The following MACF1 variants were observed in gnomAD, a reference collection of about 807,000 sequenced individuals.
The protein encoded by MACF1 is microtubule-actin cross-linking factor 1.
A neutral mutation model predicts 854.8 loss-of-function variants in MACF1; 193 were observed. The observed-to-expected ratio is 0.23, with a 90% CI of 0.20 to 0.25. The LOEUF is 0.25. Ranked by LOEUF, MACF1 falls within the 10% of genes least tolerant of loss-of-function variation. MACF1 has a pLI of 1.00. For synonymous variants in MACF1, 3,185 were observed against 3,226.7 expected (o/e 0.99, Z 0.44); for missense variants, 7,722 against 8,929.1 (o/e 0.86, Z 5.45).
Position 39,310,848 on chromosome 1 carries a change from G to A in MACF1, c.3118G>A (p.Val1040Met). 1 of 1,612,522 alleles carries A rather than the reference G, an allele frequency of 6.2e-7. No homozygotes were observed. The highest frequency in any genetic ancestry group is 8.5e-7 in the Non-Finnish European group (1 of 1,179,264). ...ATTCACAGAGGACAAAGAGGAGACT[G>A]TGGCCAAGATGTACATTTCAGAGTT... ...SMENEDKEET[V>M]AKMYISELKN... Residue 1040 changes from valine to methionine, a missense_variant, in exon 26 of 101, where the codon GTG becomes ATG. Coordinates refer to ENST00000564288, the MANE Select transcript of MACF1 (RefSeq NM_001394062.1).
intron 85 of MACF1, 134 bp downstream of exon 85, chr1:39,451,345 TAAAC>T (rs1644338135): frequency 1.1e-6 from 1 of 920,716 alleles, no homozygotes; most frequent in Non-Finnish European, 1.5e-6. Flanking sequence ...TTTGTGTGTT[TAAAC>T]AAACTGTTGC....
intron 2 of MACF1, among the ~76,000 whole-genome samples, chr1:39,238,050 G>A (rs1286048093): frequency 2.6e-5 from 4 of 152,026 alleles, no homozygotes; most frequent in Non-Finnish European, 4.4e-5. Flanking sequence ...CTCAACTCCC[G>A]TTCTCCCTAA....
At chr1:39,413,099 T>C (rs2148617937) in intron 58 of MACF1, 3 of 1,605,698 alleles carry the variant, frequency 1.9e-6, no homozygotes, top group African/African-American at 1.3e-5. Flanking sequence ...CAGGAGGGTA[T>C]GTCAGCTGTC....
intron 2 of MACF1, among the ~76,000 whole-genome samples, chr1:39,136,264 A>G (rs890347356): frequency 6.6e-6 from 1 of 152,190 alleles, no homozygotes; most frequent in African/African-American, 2.4e-5. Context: ...AGTCTCTTAC[A>G]ATGTCTACCA....
intron 4 of MACF1, 143 bp from the exon 5 acceptor site, chr1:39,254,155 G>A (rs1645073012): frequency 3.0e-6 from 2 of 669,954 alleles, no homozygotes; most frequent in Admixed American, 2.4e-5. Flanking sequence ...GTCTTAGGGG[G>A]TGCTTTGTGT....
At chr1:39,236,271 T>C (rs967854993) in intron 2 of MACF1, among the ~76,000 whole-genome samples, 20 of 152,218 alleles carry the variant, frequency 1.3e-4, no homozygotes, top group African/African-American at 4.8e-4. Context: ...CTCTGGTTGC[T>C]GCCTACCTTT....
intron 77 of MACF1, 33 bp downstream of exon 77, chr1:39,442,600 ATTGAT>A (rs1211986942): frequency 6.2e-7 from 1 of 1,612,726 alleles, no homozygotes; most frequent in Non-Finnish European, 8.5e-7. Flanking sequence ...CTCTAACCCT[ATTGAT>A]TTGAGACCAG....
intron 55 of MACF1, 49 bp from the exon 56 acceptor site, chr1:39,381,904 C>G: frequency 7.6e-7 from 1 of 1,319,812 alleles, no homozygotes; most frequent in Non-Finnish European, 1.1e-6. Flanking sequence ...GGTACCAGGC[C>G]AGTTGTTGAT....
chr1:39,216,558 GTTCTGATCAGTC>G (rs995280892), intron 1 of MACF1, among the ~76,000 whole-genome samples: 1 of 152,262 alleles, frequency 6.6e-6, no homozygotes, highest in Admixed American at 6.5e-5. Flanking sequence ...CAGAACTAGG[GTTCTGATCAGTC>G]TCCTGACTCC....
At chr1:39,375,839 C>T (rs1194774001) in intron 52 of MACF1, among the ~76,000 whole-genome samples, 3 of 152,172 alleles carry the variant, frequency 2.0e-5, no homozygotes, top group African/African-American at 7.2e-5. Flanking sequence ...ACACTTAAGA[C>T]TGACATTGAG....
intron 26 of MACF1, among the ~76,000 whole-genome samples, chr1:39,313,641 A>G (rs930385366): frequency 1.3e-5 from 2 of 150,766 alleles, no homozygotes; most frequent in African/African-American, 4.9e-5. Context: ...ATTTTATTCA[A>G]TGGTGTGTAA....
intron 49 of MACF1, among the ~76,000 whole-genome samples, chr1:39,363,808 T>C (rs1648425904): frequency 6.6e-6 from 1 of 151,822 alleles, no homozygotes; most frequent in Non-Finnish European, 1.5e-5. Flanking sequence ...AGAGATGGGG[T>C]TTCACCATGT....
In MACF1 at chr1:39,409,049, G is replaced by A. The variant is rs1048508041; in HGVS notation, c.15817-13325G>A. 6.6e-6 allele frequency among the ~76,000 whole-genome samples: 1 copy of A among 151,586 alleles called. No homozygotes were observed. Among genetic ancestry groups the A allele is most frequent in the Admixed American group, 6.6e-5 (1 of 15,250 alleles). On this transcript the variant is annotated intron_variant, in intron 58 of 100. Transcript: ENST00000564288. This position sits in a 1 kb window ranked among gnomAD's most constrained non-coding sequence, Gnocchi z 4.2. ...GGCGCAGCGCGGCGGCGCGGGGAAG[G>A]GGGAGGAGAGCCGCCCGCCAGCCGA...
At chr1:39,311,263 C>A (rs1646294471) in intron 26 of MACF1, among the ~76,000 whole-genome samples, 1 of 152,154 alleles carries the variant, frequency 6.6e-6, no homozygotes, top group Non-Finnish European at 1.5e-5. Context: ...TATATTTGGG[C>A]TATGTATTTT....
chr1:39,468,442 T>C (rs1446823029), intron 95 of MACF1, among the ~76,000 whole-genome samples, 173 bp from the exon 96 acceptor site: 1 of 152,236 alleles, frequency 6.6e-6, no homozygotes, highest in Non-Finnish European at 1.5e-5. Flanking sequence ...ATTTCTGCTT[T>C]TCTATTTTTA....
At chr1:39,102,189 AAGAAAG>A (rs1211455612) in intron 2 of MACF1, among the ~76,000 whole-genome samples, 18 of 44,216 alleles carry the variant, frequency 4.1e-4, no homozygotes, top group East Asian at 1.2e-3. Flanking sequence ...AAAGAAGAAA[AAGAAAG>A]AGAGAGAGAG....
Position 39,441,118 on chromosome 1 carries a change from T to C in MACF1, c.18563T>C (p.Ile6188Thr), listed in dbSNP as rs1209344277. The change falls in exon 73 of 101, where the codon ATT becomes ACT. Residue 6188 changes from isoleucine (I) to threonine (T), a missense_variant. Ile to Thr is a moderately conservative substitution (Grantham distance 89). Around this residue, in one of 15 missense-constraint regions of MACF1, gnomAD observed 2,807 missense variants for 3,235.8 expected, o/e 0.87. Transcript: ENST00000564288. Reference protein sequence around the residue: ...ETEKPEVRKSIDEMNNAWENL... With the variant: ...ETEKPEVRKSTDEMNNAWENL... ...GAGAAGCCTGAAGTGAGGAAGAGCA[T>C]TGATGAGGTGTGGAGAAATGGATGA... 2 of 1,614,000 alleles carry C rather than the reference T, an allele frequency of 1.2e-6. No individual in the cohort carries two copies. Among genetic ancestry groups the C allele is most frequent in the African/African-American group, 2.7e-5 (2 of 74,904 alleles).
rs1646791259 is a variant in MACF1 at position 39,335,256 on chromosome 1, T to C, written c.8668T>C (p.Cys2890Arg). The C allele has an allele frequency of 2.5e-6, 4 of 1,614,078 alleles. No homozygotes were observed. Among genetic ancestry groups the C allele is most frequent in the Non-Finnish European group, 3.4e-6 (4 of 1,179,944 alleles). ...GTCATTGACACACCCTTACTCTGAATGTGATTTTAAACTTAAAGAAGTGGC... is the reference window on the plus strand; with the variant it reads ...GTCATTGACACACCCTTACTCTGAACGTGATTTTAAACTTAAAGAAGTGGC... ...QVSLTHPYSECDFKLKEVARN... is the reference protein window; with the variant it reads ...QVSLTHPYSERDFKLKEVARN... The change falls in exon 37 of 101, where the codon TGT becomes CGT. Residue 2890 changes from cysteine (C) to arginine (R), a missense_variant. Transcript: ENST00000564288.
At chr1:39,339,208 A>G (rs534192859) in intron 38 of MACF1, among the ~76,000 whole-genome samples, 64 of 152,302 alleles carry the variant, frequency 4.2e-4, no homozygotes, top group African/African-American at 1.5e-3. Flanking sequence ...TGAGCTATGA[A>G]TGCATCACTG....
Sources: allele counts gnomAD v4.1 joint callset (sites outside exome capture counted in the v4.1 genomes callset), GRCh38; gene constraint gnomAD v4.1.1; regional missense constraint gnomAD v4.1.1; non-coding constraint Gnocchi (gnomAD v3.1); transcripts MANE v1.5; gene names NCBI Gene and HGNC (gene_info 2026-07-23, HGNC 2026-07-21).